Variants in CSMD1 observed in about 807,000 individuals in gnomAD.
The protein encoded by CSMD1 is CUB and Sushi multiple domains 1.
Under a neutral mutation model 417.5 loss-of-function variants are expected in CSMD1, and 213 were observed. That is an observed-to-expected ratio of 0.51 (90% CI 0.46 to 0.57). The LOEUF is 0.57. CSMD1 is among the 20% of genes least tolerant of loss of function. CSMD1 has a pLI of 0.00. For missense variants in CSMD1, 6,923 were observed against 4,529.7 expected, an observed-to-expected ratio of 1.53 and a Z score of -15.17; for synonymous variants, 2,862 against 1,736.8, an observed-to-expected ratio of 1.65 and a Z score of -16.11.
At chr8:3,955,912 C>A (rs534465328) in intron 5 of CSMD1, among the ~76,000 whole-genome samples, 1 of 152,140 alleles carries the variant, frequency 6.6e-6, no homozygotes, top group African/African-American at 2.4e-5. Context: ...CTTTGCCTCC[C>A]GGGTTAAAGC....
intron 3 of CSMD1, among the ~76,000 whole-genome samples, chr8:4,087,793 ATTTATT>A (rs932894039): frequency 4.6e-5 from 7 of 151,874 alleles, no homozygotes; most frequent in Non-Finnish European, 8.8e-5. Context: ...ATTGTCTCAC[ATTTATT>A]TTTATTTTAG....
intron 23 of CSMD1, among the ~76,000 whole-genome samples, chr8:3,321,441 C>G (rs1435521861): frequency 2.0e-5 from 3 of 152,136 alleles, no homozygotes; most frequent in African/African-American, 7.2e-5. Context: ...GGCTCTTCCT[C>G]CTCCCTGAAT....
chr8:4,107,495 C>T (rs1801628384), intron 3 of CSMD1, among the ~76,000 whole-genome samples: 1 of 152,108 alleles, frequency 6.6e-6, no homozygotes, highest in South Asian at 2.1e-4. Flanking sequence ...TTTCAAACAC[C>T]GAAGAATTCC....
intron 37 of CSMD1, among the ~76,000 whole-genome samples, chr8:3,179,101 A>T (rs184846807): frequency 2.7e-5 from 4 of 150,728 alleles, no homozygotes; most frequent in South Asian, 2.1e-4. Context: ...GCCCGCCACC[A>T]CGCCTGGCTA....
At chr8:4,026,202 G>C (rs1442926988) in intron 4 of CSMD1, among the ~76,000 whole-genome samples, 2 of 152,048 alleles carry the variant, frequency 1.3e-5, no homozygotes, top group Non-Finnish European at 2.9e-5. Context: ...TTATAATCTA[G>C]TTATCCAAAT....
intron 10 of CSMD1, among the ~76,000 whole-genome samples, chr8:3,517,046 C>T (rs956820309): frequency 1.3e-5 from 2 of 152,100 alleles, no homozygotes; most frequent in African/African-American, 4.8e-5. Context: ...GGTGTCAGAT[C>T]AAGGGGACAC....
At chr8:3,745,022 C>T (rs1244715422) in intron 6 of CSMD1, among the ~76,000 whole-genome samples, 2 of 152,086 alleles carry the variant, frequency 1.3e-5, no homozygotes, top group Non-Finnish European at 2.9e-5. Flanking sequence ...ATTCTCCGGG[C>T]AGTGAATATT....
intron 3 of CSMD1, among the ~76,000 whole-genome samples, chr8:4,122,551 C>T (rs990622632): frequency 6.6e-6 from 1 of 152,122 alleles, no homozygotes; most frequent in Non-Finnish European, 1.5e-5. Flanking sequence ...CCAGTCACCC[C>T]GTGCTTTCCC....
intron 5 of CSMD1, among the ~76,000 whole-genome samples, chr8:3,801,236 T>C (rs1199375942): frequency 2.0e-5 from 3 of 150,024 alleles, no homozygotes; most frequent in South Asian, 2.1e-4. Context: ...AACCAGAATA[T>C]ATAGAGAGAA....
rs138655647 is a variant in CSMD1 at position 3,804,226 on chromosome 8, C to G, written c.819-50184G>C. On this transcript the variant is annotated intron_variant, in intron 5 of 69. Transcript: ENST00000635120. ...GGATTACAAGTGTGAGCCACTACACCAAGCCTAGAGACAAAATTTTAAACG... is the reference window on the plus strand; with the variant it reads ...GGATTACAAGTGTGAGCCACTACACGAAGCCTAGAGACAAAATTTTAAACG... Among the ~76,000 whole-genome samples the G allele has an allele frequency of 4.6e-3, 707 of 152,174 alleles. 4 individuals are homozygous for G. The highest frequency in any genetic ancestry group is 0.021 in the Middle Eastern group (6 of 292).
At chr8:4,491,788 G>C (rs1177575163) in intron 2 of CSMD1, among the ~76,000 whole-genome samples, 2 of 152,168 alleles carry the variant, frequency 1.3e-5, no homozygotes, top group African/African-American at 4.8e-5. Context: ...CAGAATGGTA[G>C]AGTCACGTTG....
intron 7 of CSMD1, among the ~76,000 whole-genome samples, chr8:3,623,337 T>C (rs183165054): frequency 2.6e-5 from 4 of 152,322 alleles, no homozygotes; most frequent in Non-Finnish European, 5.9e-5. Flanking sequence ...TAAGTATCAA[T>C]TAAAACTCAA....
At chr8:4,353,804 G>A (rs188942219) in intron 3 of CSMD1, among the ~76,000 whole-genome samples, 135 of 152,070 alleles carry the variant, frequency 8.9e-4, no homozygotes, top group African/African-American at 2.6e-3. Flanking sequence ...TAAATGGCTC[G>A]ATCATTAAAA....
intron 1 of CSMD1, among the ~76,000 whole-genome samples, chr8:4,866,901 AT>A (rs1430958235): frequency 1.3e-5 from 2 of 151,922 alleles, no homozygotes; most frequent in African/African-American, 2.4e-5. Context: ...ATTATAATTT[AT>A]TTGCCATTAT....
intron 2 of CSMD1, among the ~76,000 whole-genome samples, chr8:4,452,478 G>A (rs774278062): frequency 6.6e-6 from 1 of 152,124 alleles, no homozygotes; most frequent in Non-Finnish European, 1.5e-5. Context: ...TCATATTTGA[G>A]CAAACCATGA....
intron 5 of CSMD1, among the ~76,000 whole-genome samples, chr8:3,761,925 G>A (rs1384184037): frequency 1.3e-5 from 2 of 151,654 alleles, no homozygotes; most frequent in Non-Finnish European, 2.9e-5. Flanking sequence ...CTTTTTTCTG[G>A]GAGCACTCTC....
chr8:3,089,840 G>C (rs1413307421), intron 48 of CSMD1, among the ~76,000 whole-genome samples: 1 of 152,040 alleles, frequency 6.6e-6, no homozygotes, highest in Non-Finnish European at 1.5e-5. Flanking sequence ...CTTGTGGTAT[G>C]ACAACAAATA....
At chr8:4,154,398 G>A (rs1247015289) in intron 3 of CSMD1, among the ~76,000 whole-genome samples, 2 of 152,194 alleles carry the variant, frequency 1.3e-5, no homozygotes, top group African/African-American at 2.4e-5. Flanking sequence ...TATTGTATAA[G>A]TATAGACAAA....
rs775141661 is a variant in CSMD1 at position 2,937,287 on chromosome 8, T to C, written c.*1298A>G. On this transcript the variant is annotated 3_prime_UTR_variant, in exon 70 of 70. Coordinates refer to ENST00000635120, the MANE Select transcript of CSMD1 (RefSeq NM_033225.6). ...ATAACAAATGAATGTATAAAATATA[T>C]CATTGTGAGAGGAGAGTGTGTGTAC... 1 of 152,132 alleles carries C rather than the reference T, an allele frequency of 6.6e-6. No individual in the cohort carries two copies. The highest frequency in any genetic ancestry group is 1.5e-5 in the Non-Finnish European group (1 of 68,032). The allele number at this position is 152,132 out of a possible 1,614,324, so 9.4% of individuals were successfully genotyped here. A position where few individuals can be genotyped will look rare whatever the true frequency, so the allele number is the denominator to read the frequency against.
Sources: allele counts gnomAD v4.1 joint callset (sites outside exome capture counted in the v4.1 genomes callset), GRCh38; gene constraint gnomAD v4.1.1; transcripts MANE v1.5; gene names NCBI Gene and HGNC (gene_info 2026-07-23, HGNC 2026-07-21).